The following PTPRN2 variants were observed in gnomAD, a reference collection of about 807,000 sequenced individuals.
PTPRN2 encodes receptor-type tyrosine-protein phosphatase N2.
A neutral mutation model predicts 118.8 loss-of-function variants in PTPRN2; 74 were observed. The observed-to-expected ratio is 0.62, with a 90% CI of 0.52 to 0.76. The LOEUF is 0.76. Ranked by LOEUF, PTPRN2 falls within the 30% of genes least tolerant of loss-of-function variation. The pLI is 0.00. For synonymous variants in PTPRN2, 641 were observed against 608.0 expected, an observed-to-expected ratio of 1.05 and a Z score of -0.80; for missense variants, 1,481 against 1,394.4, an observed-to-expected ratio of 1.06 and a Z score of -0.99.
intron 10 of PTPRN2, among the ~76,000 whole-genome samples, chr7:158,084,074 C>G (rs1006897923): frequency 1.3e-5 from 2 of 152,192 alleles, no homozygotes; most frequent in African/African-American, 2.4e-5. Context: ...GCAAGGCCCA[C>G]AGGTCCTCTT....
chr7:157,968,249 C>G (rs573965410), intron 11 of PTPRN2, among the ~76,000 whole-genome samples: 1 of 152,270 alleles, frequency 6.6e-6, no homozygotes, highest in African/African-American at 2.4e-5. Context: ...GATACAGGAC[C>G]AGGCCTTCTC....
chr7:158,450,817 C>T (rs936268767), intron 2 of PTPRN2, among the ~76,000 whole-genome samples: 3 of 152,220 alleles, frequency 2.0e-5, no homozygotes, highest in East Asian at 1.9e-4. Context: ...CGCTTCCTTG[C>T]GCATCTCCCT....
intron 14 of PTPRN2, among the ~76,000 whole-genome samples, chr7:157,633,801 G>T (rs774121605): frequency 6.6e-6 from 1 of 152,232 alleles, no homozygotes; most frequent in Non-Finnish European, 1.5e-5. Context: ...AACGGTGTCC[G>T]GCAGACCAGG....
chr7:157,658,568 C>T (rs1056660778), intron 13 of PTPRN2, among the ~76,000 whole-genome samples: 5 of 152,340 alleles, frequency 3.3e-5, no homozygotes, highest in African/African-American at 4.8e-5. Context: ...AGGCAGGACA[C>T]GGCCACGCAG....
intron 11 of PTPRN2, among the ~76,000 whole-genome samples, chr7:158,079,950 G>A (rs1345919855): frequency 6.6e-6 from 1 of 152,186 alleles, no homozygotes; most frequent in Non-Finnish European, 1.5e-5. Context: ...GGGGACTCAA[G>A]TCTCCACAAA....
intron 12 of PTPRN2, among the ~76,000 whole-genome samples, chr7:157,684,529 C>T (rs1003510720): frequency 6.6e-6 from 1 of 151,972 alleles, no homozygotes; most frequent in Admixed American, 6.5e-5. Context: ...CGCTGGGTCT[C>T]GCCGCCGGGT....
intron 9 of PTPRN2, 113 bp downstream of exon 9, chr7:158,133,564 T>A: frequency 1.1e-5 from 16 of 1,418,936 alleles, no homozygotes; most frequent in Non-Finnish European, 1.5e-5. Context: ...ATTATTCAGT[T>A]GAAGACACTT....
chr7:157,981,251 AC>A (rs1204900728), intron 11 of PTPRN2, among the ~76,000 whole-genome samples: 1 of 152,224 alleles, frequency 6.6e-6, no homozygotes, highest in African/African-American at 2.4e-5. Flanking sequence ...AACCATTTAG[AC>A]AATAATGTGT....
At chr7:157,790,823 G>A (rs1472152122) in intron 12 of PTPRN2, among the ~76,000 whole-genome samples, 1 of 152,074 alleles carries the variant, frequency 6.6e-6, no homozygotes, top group African/African-American at 2.4e-5. Flanking sequence ...ACTTGGTGAG[G>A]AAACAGGGTC....
intron 11 of PTPRN2, among the ~76,000 whole-genome samples, chr7:158,051,167 GC>G (rs1428589281): frequency 6.6e-6 from 1 of 152,318 alleles, no homozygotes; most frequent in East Asian, 1.9e-4. Flanking sequence ...GTCCCCAAGG[GC>G]CCCATCCAGC....
intron 2 of PTPRN2, among the ~76,000 whole-genome samples, chr7:158,479,373 T>C (rs1820499978): frequency 6.6e-6 from 1 of 152,160 alleles, no homozygotes; most frequent in African/African-American, 2.4e-5. Context: ...TCCGCTCTTC[T>C]TTCCTGACTA....
intron 2 of PTPRN2, among the ~76,000 whole-genome samples, chr7:158,403,172 T>C (rs1586583653): frequency 6.6e-6 from 1 of 152,186 alleles, no homozygotes; most frequent in South Asian, 2.1e-4. Flanking sequence ...GCAGACAGAA[T>C]GCACGTGGGC....
chr7:158,538,198 G>A (rs886329647), intron 1 of PTPRN2, among the ~76,000 whole-genome samples: 15 of 152,326 alleles, frequency 9.8e-5, no homozygotes, highest in Non-Finnish European at 1.9e-4. Flanking sequence ...AAGTGGCTTT[G>A]TTTCTGGAAA....
In PTPRN2 at chr7:157,861,840, C is replaced by G. The variant is rs1378190923; in HGVS notation, c.1788+36833G>C. Among the ~76,000 whole-genome samples the G allele has an allele frequency of 2.0e-5, 3 of 152,144 alleles. No homozygotes were observed. The highest frequency in any genetic ancestry group is 2.1e-4 in the South Asian group (1 of 4,820). On this transcript the variant is annotated intron_variant, in intron 12 of 22. Coordinates refer to ENST00000389418, the MANE Select transcript of PTPRN2 (RefSeq NM_002847.5). This position sits in a 1 kb window ranked among gnomAD's most constrained non-coding sequence, Gnocchi z 5.8. ...GTCTGTCCTCTCCGTCGCAGGGACACGGATGCTTCGAGGACTCTGTGTGCC... is the reference window on the plus strand; with the variant it reads ...GTCTGTCCTCTCCGTCGCAGGGACAGGGATGCTTCGAGGACTCTGTGTGCC...
chr7:157,730,986 C>T (rs745640157), intron 12 of PTPRN2, among the ~76,000 whole-genome samples: 3 of 152,158 alleles, frequency 2.0e-5, no homozygotes, highest in Admixed American at 2.0e-4. Flanking sequence ...AGCTCACGTC[C>T]TGCTCTGAAG....
chr7:157,993,703 A>G (rs1480926524), intron 11 of PTPRN2, among the ~76,000 whole-genome samples: 1 of 152,186 alleles, frequency 6.6e-6, no homozygotes, highest in African/African-American at 2.4e-5. Flanking sequence ...GCCACCCCCA[A>G]CCCAGCACGG....
intron 12 of PTPRN2, among the ~76,000 whole-genome samples, chr7:157,819,450 G>C (rs1298497420): frequency 1.3e-5 from 2 of 152,164 alleles, no homozygotes; most frequent in Non-Finnish European, 2.9e-5. Flanking sequence ...GAAGAAGCGC[G>C]AGGGCGCCCT....
rs1051595521 is a variant in PTPRN2 at position 157,881,554 on chromosome 7, A to G, written c.1788+17119T>C. Among the ~76,000 whole-genome samples the G allele has an allele frequency of 2.6e-5, 4 of 152,152 alleles. No individual in the cohort carries two copies. The highest frequency in any genetic ancestry group is 9.7e-5 in the African/African-American group (4 of 41,428). On this transcript the variant is annotated intron_variant, in intron 12 of 22. Transcript: ENST00000389418. The surrounding 1 kb of genome is among the most constrained non-coding windows in gnomAD (Gnocchi z 4.7). Reference sequence around the variant, plus strand: ...GTTGTGGCAGCCAGAGAGGACGCACATGGTCAACATGGCAACACCCCCTCA... The same window carrying G: ...GTTGTGGCAGCCAGAGAGGACGCACGTGGTCAACATGGCAACACCCCCTCA...
At chr7:157,543,905 G>A (rs1382385395) in intron 22 of PTPRN2, among the ~76,000 whole-genome samples, 3 of 152,266 alleles carry the variant, frequency 2.0e-5, no homozygotes, top group African/African-American at 4.8e-5. Flanking sequence ...TAGGGACTAG[G>A]CATTGTGTGT....
Sources: allele counts gnomAD v4.1 joint callset (sites outside exome capture counted in the v4.1 genomes callset), GRCh38; gene constraint gnomAD v4.1.1; non-coding constraint Gnocchi (gnomAD v3.1); transcripts MANE v1.5; gene names NCBI Gene and HGNC (gene_info 2026-07-23, HGNC 2026-07-21).